Variants in ZSWIM8 observed in about 807,000 individuals in gnomAD.
The protein encoded by ZSWIM8 is zinc finger SWIM-type containing 8, also known as zinc finger SWIM domain-containing protein 8.
A neutral mutation model predicts 173.7 loss-of-function variants in ZSWIM8; 27 were observed. That is an observed-to-expected ratio of 0.16 (90% confidence interval 0.11 to 0.21). The LOEUF (loss-of-function observed/expected upper bound fraction) is 0.21, where lower values mean the gene tolerates loss of function less well. Ranked by LOEUF, ZSWIM8 falls within the 10% of genes least tolerant of loss-of-function variation. The pLI is 1.00. For synonymous variants in ZSWIM8, 958 were observed against 962.0 expected, an observed-to-expected ratio of 1.00 and a Z score of 0.08; for missense variants, 1,627 against 2,428.8, an observed-to-expected ratio of 0.67 and a Z score of 6.94.
chr10:73,790,020 C>T lies in ZSWIM8; in HGVS notation c.803C>T (p.Thr268Ile), dbSNP rs749897485. 4.3e-6 allele frequency: 7 copies of T among 1,612,966 alleles called. No homozygotes were observed. Among genetic ancestry groups the T allele is most frequent in the Non-Finnish European group, 5.9e-6 (7 of 1,179,478 alleles). The change falls in exon 6 of 26, where the codon ACA becomes ATA. Residue 268 changes from threonine (T) to isoleucine (I), a missense_variant. Transcript: ENST00000604729. Reference sequence around the variant, plus strand: ...TCTTCCCAGTCAACAGCCATCAATACAGTGTGTGGAGCTCCGGGTGAGTGT... The same window carrying T: ...TCTTCCCAGTCAACAGCCATCAATATAGTGTGTGGAGCTCCGGGTGAGTGT... ...LLSSQSTAIN[T>I]VCGAPDPTAG...
rs1258191528 is a variant in ZSWIM8 at position 73,792,484 on chromosome 10, C to T, written c.1945C>T (p.Leu649Phe). The change falls in exon 10 of 26, where the codon CTC (leucine) becomes TTC (phenylalanine). Residue 649 changes from leucine to phenylalanine, a missense_variant. Transcript: ENST00000604729. This position sits in a 1 kb window ranked among gnomAD's most constrained non-coding sequence, Gnocchi z 4.3. ...CCCTGAGAGCCCTCCACCCTGTCCT[C>T]TCCACGGTGGCTCCCGAGGCCCTTC... ...GFPESPPPCP[L>F]HGGSRGPSTF... 5.6e-6 allele frequency: 9 copies of T among 1,612,476 alleles called. No homozygotes were observed. The highest frequency in any genetic ancestry group is 7.6e-6 in the Non-Finnish European group (9 of 1,179,170).
At position 73,797,850 on chromosome 10, in the gene ZSWIM8, C is replaced by T. The variant is rs1279714394; in HGVS notation, c.3732C>T (p.His1244=). 6.2e-7 allele frequency: 1 copy of T among 1,613,794 alleles called. No individual in the cohort carries two copies. The highest frequency in any genetic ancestry group is 8.5e-7 in the Non-Finnish European group (1 of 1,179,886). The change falls in exon 19 of 26, where the codon CAC becomes CAT. Residue 1244 remains histidine (H), a synonymous_variant. Transcript: ENST00000604729. This position sits in a 1 kb window ranked among gnomAD's most constrained non-coding sequence, Gnocchi z 5.6. ...VPNQPSEAAA[H]FYFELAKTVL... is the part of the protein sequence containing the mutation. The stretch of plus-strand genomic sequence containing the variant: ...ATCAGCCATCAGAGGCAGCTGCACA[C>T]TTCTACTTCGAGCTGGCGAAGACAG...
Position 73,792,123 on chromosome 10 carries a change from G to A in ZSWIM8, c.1584G>A (p.Arg528=). The A allele has an allele frequency of 6.5e-7, 1 of 1,535,330 alleles. No individual in the cohort carries two copies. Among genetic ancestry groups the A allele is most frequent in the Non-Finnish European group, 8.8e-7 (1 of 1,138,498 alleles). Residue 528 remains arginine, a synonymous_variant, in exon 10 of 26, where the codon CGG becomes CGA. Coordinates refer to ENST00000604729, the MANE Select transcript of ZSWIM8 (RefSeq NM_001367799.1). This position sits in a 1 kb window ranked among gnomAD's most constrained non-coding sequence, Gnocchi z 4.3. ...ASRSGGLEES[R]DRPRPLPTEP... Reference sequence around the variant, plus strand: ...GCTCTGGGGGCCTGGAGGAATCCCGGGACCGGCCCCGACCCCTTCCTACTG... The same window carrying A: ...GCTCTGGGGGCCTGGAGGAATCCCGAGACCGGCCCCGACCCCTTCCTACTG...
intron 15 of ZSWIM8, 163 bp from the exon 16 acceptor site, chr10:73,796,609 CAA>C (rs1412506964): frequency 2.2e-6 from 2 of 927,670 alleles, no homozygotes; most frequent in Non-Finnish European, 3.2e-6. Flanking sequence ...AAATAAGTTA[CAA>C]AAAGACATGT....
In ZSWIM8 at chr10:73,800,813, C is replaced by T. The variant is rs771516309; in HGVS notation, c.5122+54C>T. 7.3e-7 allele frequency: 1 copy of T among 1,366,324 alleles called. No individual in the cohort carries two copies. The highest frequency in any genetic ancestry group is 2.3e-5 in the East Asian group (1 of 43,080). The allele number at this position is 1,366,324 out of a possible 1,614,324, so 84.6% of individuals were successfully genotyped here. ...CCCCCCCCCCACCTGCTCTCCCCACCTTCCTTATCCCAGACCTCCTTCCTA... is the reference window on the plus strand; with the variant it reads ...CCCCCCCCCCACCTGCTCTCCCCACTTTCCTTATCCCAGACCTCCTTCCTA... On this transcript the variant is annotated intron_variant, in intron 24 of 25. Transcript: ENST00000604729. The surrounding 1 kb of genome is among the most constrained non-coding windows in gnomAD (Gnocchi z 4.1).
Position 73,797,598 on chromosome 10 carries a change from G to A in ZSWIM8, c.3655G>A (p.Val1219Ile). Residue 1219 changes from valine (V) to isoleucine (I), a missense_variant, in exon 18 of 26, where the codon GTT (valine) becomes ATT (isoleucine). By Grantham distance (29) the Val-to-Ile change is conservative (BLOSUM62 3). Transcript: ENST00000604729. The surrounding 1 kb of genome is among the most constrained non-coding windows in gnomAD (Gnocchi z 5.6). The part of the protein sequence containing the change: ...SGGARAKTVE[V>I]GRYKGRRPES... ...AGGAGCCCGGGCGAAGACTGTTGAA[G>A]TTGGCAGGTCAGTGGGAAGAACTCC... 1 of 1,613,828 alleles carries A rather than the reference G, an allele frequency of 6.2e-7. No homozygotes were observed. The highest frequency in any genetic ancestry group is 8.5e-7 in the Non-Finnish European group (1 of 1,179,824).
rs759698057 is a variant in ZSWIM8, at chr10:73,785,642, C to T, written c.-237C>T. 2 of 598,722 alleles carry T rather than the reference C, an allele frequency of 3.3e-6. No homozygotes were observed. The highest frequency in any genetic ancestry group is 3.1e-5 in the South Asian group (2 of 63,838). The allele number at this position is 598,722 out of a possible 1,614,324, so 37.1% of individuals were successfully genotyped here. A position where few individuals can be genotyped will look rare whatever the true frequency, so the allele number is the denominator to read the frequency against. ...GGCCCCAGCCGCCGAGCGCTTCGTC[C>T]CGGCCCTAAGTCTCGGAGACTGGCC... On this transcript the variant is annotated 5_prime_UTR_variant, in exon 1 of 26. Transcript: ENST00000604729.
chr10:73,797,310 T>C lies in ZSWIM8; in HGVS notation c.3433+39T>C, dbSNP rs1328250859. 1 of 1,613,104 alleles carries C rather than the reference T, an allele frequency of 6.2e-7. No individual in the cohort carries two copies. Among genetic ancestry groups the C allele is most frequent in the Non-Finnish European group, 8.5e-7 (1 of 1,179,398 alleles). On this transcript the variant is annotated intron_variant, in intron 17 of 25. Coordinates refer to ENST00000604729, the MANE Select transcript of ZSWIM8 (RefSeq NM_001367799.1). The surrounding 1 kb of genome is among the most constrained non-coding windows in gnomAD (Gnocchi z 5.6). ...TGGGCTAGCATAGAGGGAAGGATAA[T>C]CCTGAAGGTTGGAGTCTTAACATCT...
rs943687523 is a variant in ZSWIM8 at position 73,800,631 on chromosome 10, A to C, written c.5003-9A>C. The C allele has an allele frequency of 6.2e-7, 1 of 1,613,174 alleles. No homozygotes were observed. Among genetic ancestry groups the C allele is most frequent in the Admixed American group, 1.7e-5 (1 of 59,944 alleles). ...CCGTACCATGTGCCCACCCTTATCTATCTCCCAGGAATGCTGGCACTGGAG... is the reference window on the plus strand; with the variant it reads ...CCGTACCATGTGCCCACCCTTATCTCTCTCCCAGGAATGCTGGCACTGGAG... On this transcript the variant is annotated splice_polypyrimidine_tract_variant and intron_variant, in intron 23 of 25. Transcript: ENST00000604729. This position sits in a 1 kb window ranked among gnomAD's most constrained non-coding sequence, Gnocchi z 4.1.
In ZSWIM8 at chr10:73,785,984, A is replaced by G. The variant is rs1424766517; in HGVS notation, c.106A>G (p.Ser36Gly). 1 of 1,600,100 alleles carries G rather than the reference A, an allele frequency of 6.2e-7. No homozygotes were observed. Among genetic ancestry groups the G allele is most frequent in the South Asian group, 1.1e-5 (1 of 88,682 alleles). ...CTGTTCCTTCATCTCCGAGGCCGAG[A>G]GCCTCTGCCAGAACTGGCGGGGATG... ...SLCSFISEAE[S>G]LCQNWRGWRK... is the part of the protein sequence containing the mutation. Residue 36 changes from serine (S) to glycine (G), a missense_variant, in exon 1 of 26, where the codon AGC becomes GGC. Ser to Gly is a moderately conservative substitution (Grantham distance 56). Transcript: ENST00000604729.
rs1410212134 is a variant in ZSWIM8 at position 73,800,207 on chromosome 10, G to A, written c.4825+37G>A. 2.6e-5 allele frequency: 42 copies of A among 1,613,028 alleles called. No individual in the cohort carries two copies. The highest frequency in any genetic ancestry group is 3.6e-5 in the Non-Finnish European group (42 of 1,179,444). On this transcript the variant is annotated intron_variant, in intron 22 of 25. Transcript: ENST00000604729. The surrounding 1 kb of genome is among the most constrained non-coding windows in gnomAD (Gnocchi z 4.1). The stretch of plus-strand genomic sequence containing the variant: ...GGCCAGGGAACAGGTGAATGGAGGG[G>A]AGGCACACTGGGCAGGGGAGGTGGG...
In ZSWIM8 at chr10:73,792,634, C is replaced by A. The variant is rs1267137355; in HGVS notation, c.2095C>A (p.Gln699Lys). The A allele has an allele frequency of 1.9e-6, 3 of 1,614,022 alleles. No homozygotes were observed. The highest frequency in any genetic ancestry group is 3.3e-5 in the Admixed American group (2 of 60,030). The change falls in exon 10 of 26, where the codon CAG becomes AAG. Residue 699 changes from glutamine to lysine, a missense_variant. Coordinates refer to ENST00000604729, the MANE Select transcript of ZSWIM8 (RefSeq NM_001367799.1). The surrounding 1 kb of genome is among the most constrained non-coding windows in gnomAD (Gnocchi z 4.3). ...PGLLPGDVCT[Q>K]DDLPSTDESG... Reference sequence around the variant, plus strand: ...CCTACTGCCTGGGGATGTCTGTACCCAGGACGACCTCCCTTCTACAGATGA... The same window carrying A: ...CCTACTGCCTGGGGATGTCTGTACCAAGGACGACCTCCCTTCTACAGATGA...
At position 73,797,153 on chromosome 10, in the gene ZSWIM8, G is replaced by A. The variant is rs2083702339; in HGVS notation, c.3315G>A (p.Glu1105=). The change falls in exon 17 of 26, where the codon GAG becomes GAA. Residue 1105 remains glutamate (E), a synonymous_variant. Transcript: ENST00000604729. The surrounding 1 kb of genome is among the most constrained non-coding windows in gnomAD (Gnocchi z 5.6). ...CCCCCTGTGAGGGTCTTCCATCTGA[G>A]GCAGCTTTGACCCCAAGGCCAGAAG... ...PHSPCEGLPS[E]AALTPRPEGK... 1 of 1,613,812 alleles carries A rather than the reference G, an allele frequency of 6.2e-7. No individual in the cohort carries two copies. Among genetic ancestry groups the A allele is most frequent in the Non-Finnish European group, 8.5e-7 (1 of 1,179,802 alleles).
chr10:73,799,243 T>C lies in ZSWIM8; in HGVS notation c.4418T>C (p.Val1473Ala). The change falls in exon 21 of 26, where the codon GTT becomes GCT. Residue 1473 changes from valine (V) to alanine (A), a missense_variant. Physicochemically the swap from Val to Ala is moderately conservative, Grantham distance 64. Coordinates refer to ENST00000604729, the MANE Select transcript of ZSWIM8 (RefSeq NM_001367799.1). ...AGAGGGGGCCCAGGGACTGAGCCGG[T>C]TACAGTGGCAGCGGCAGCAGTGACA... Reference protein sequence around the residue: ...EGRGGPGTEPVTVAAAAVTAA... With the variant: ...EGRGGPGTEPATVAAAAVTAA... The C allele has an allele frequency of 1.2e-6, 2 of 1,603,596 alleles. No homozygotes were observed. The highest frequency in any genetic ancestry group is 1.3e-5 in the African/African-American group (1 of 74,828).
Position 73,797,878 on chromosome 10 carries a change from C to T in ZSWIM8, c.3760C>T (p.Leu1254=). ...CTACTTCGAGCTGGCGAAGACAGTGCTGATCAAGGCAGGGGGCAACAGCAG... is the reference window on the plus strand; with the variant it reads ...CTACTTCGAGCTGGCGAAGACAGTGTTGATCAAGGCAGGGGGCAACAGCAG... The part of the protein sequence containing the change: ...HFYFELAKTV[L]IKAGGNSSTS... Residue 1254 remains leucine, a synonymous_variant, in exon 19 of 26, where the codon CTG becomes TTG. Transcript: ENST00000604729. The surrounding 1 kb of genome is among the most constrained non-coding windows in gnomAD (Gnocchi z 5.6). The T allele has an allele frequency of 6.2e-7, 1 of 1,613,968 alleles. No individual in the cohort carries two copies. The highest frequency in any genetic ancestry group is 8.5e-7 in the Non-Finnish European group (1 of 1,179,896).
At chr10:73,794,407 G>C (rs1340668207) in intron 13 of ZSWIM8, 77 bp downstream of exon 13, 3 of 1,573,496 alleles carry the variant, frequency 1.9e-6, no homozygotes, top group East Asian at 4.5e-5. Context: ...AGAGCCCCAA[G>C]TTTCTGAATC....
At position 73,792,761 on chromosome 10, in the gene ZSWIM8, G is replaced by A. The variant is rs200013804; in HGVS notation, c.2222G>A (p.Gly741Glu). ...TATCTGAATGCCCAGGATGGGGCTG[G>A]GGGCGAGGAAGAGAAGGCCGAGGGC... ...AYYLNAQDGA[G>E]GEEEKAEGGA... The change falls in exon 10 of 26, where the codon GGG becomes GAG. Residue 741 changes from glycine to glutamate, a missense_variant. This residue lies in a region of ZSWIM8 where 383 missense variants were observed against 394.8 expected (regional missense o/e 0.97). Transcript: ENST00000604729. The surrounding 1 kb of genome is among the most constrained non-coding windows in gnomAD (Gnocchi z 4.3). 3.1e-5 allele frequency: 50 copies of A among 1,612,648 alleles called. No homozygotes were observed. The Middle Eastern group carries it at 5.0e-4, about 16-fold the overall frequency.
Position 73,793,688 on chromosome 10 carries a change from C to T in ZSWIM8, c.2414C>T (p.Pro805Leu), listed in dbSNP as rs1444145707. The change falls in exon 11 of 26, where the codon CCC becomes CTC. Residue 805 changes from proline to leucine, a missense_variant. Pro to Leu is a moderately conservative substitution (Grantham distance 98). Transcript: ENST00000604729. ...GCCCAGGATCTGCTAGCCAACCCAC[C>T]CGACCTCAAGGTAGAGCCGCCCCCT... ...ELAQDLLANP[P>L]DLKVEPPPAK... 2.5e-6 allele frequency: 4 copies of T among 1,613,362 alleles called. No individual in the cohort carries two copies. The African/African-American group carries it at 4.0e-5, about 16-fold the overall frequency.
At chr10:73,795,135 G>A (rs1192925350) in intron 14 of ZSWIM8, among the ~76,000 whole-genome samples, 1 of 151,964 alleles carries the variant, frequency 6.6e-6, no homozygotes, top group Non-Finnish European at 1.5e-5. Context: ...TGTGCTATGG[G>A]TATTGGGTAT....
Sources: gnomAD v4.1 joint callset for allele counts (sites outside exome capture counted in the v4.1 genomes callset) on GRCh38, gnomAD v4.1.1 for gene constraint, gnomAD v4.1.1 regional missense constraint, Gnocchi (gnomAD v3.1) non-coding constraint, MANE v1.5 for transcripts, NCBI Gene and HGNC (gene_info 2026-07-23, HGNC 2026-07-21) for gene names.